NREP: variants seen among roughly 807,000 people sequenced by gnomAD.
NREP encodes the protein neuronal regeneration related protein.
In NREP, 5 loss-of-function variants were observed where a neutral mutation model predicts 8.6. The observed-to-expected ratio is 0.58, with a 90% CI of 0.30 to 1.22. NREP has a LOEUF of 1.22. NREP is among the 50% of genes most tolerant of loss of function. NREP has a pLI of 0.07. For missense variants in NREP, 86 were observed against 82.5 expected (o/e 1.04, Z -0.17); for synonymous variants, 27 against 28.0 (o/e 0.96, Z 0.11).
intron 2 of NREP, among the ~76,000 whole-genome samples, chr5:111,878,556 G>C (rs1178492997): frequency 1.3e-5 from 2 of 152,210 alleles, no homozygotes; most frequent in South Asian, 4.1e-4. Flanking sequence ...TTCAAGATGA[G>C]ATTTGGGTGG....
intron 3 of NREP, chr5:111,733,995 C>G (rs150946965): frequency 1.1e-3 from 161 of 152,286 alleles, no homozygotes; most frequent in African/African-American, 3.8e-3. Flanking sequence ...ATATTATTCA[C>G]ATATTTAGAG....
intron 2 of NREP, among the ~76,000 whole-genome samples, chr5:111,776,518 G>T (rs1309566765): frequency 1.3e-5 from 2 of 152,138 alleles, no homozygotes; most frequent in Admixed American, 1.3e-4. Flanking sequence ...GCGCAAGTCT[G>T]TTCATTGCAG....
chr5:111,835,719 G>A (rs939197721), intron 2 of NREP, among the ~76,000 whole-genome samples: 3 of 152,084 alleles, frequency 2.0e-5, no homozygotes, highest in Non-Finnish European at 2.9e-5. Context: ...TAAGTGGTTT[G>A]TGGGTTTAAG....
intron 2 of NREP, among the ~76,000 whole-genome samples, chr5:111,927,444 G>C (rs1429844271): frequency 2.6e-5 from 4 of 152,066 alleles, no homozygotes; most frequent in African/African-American, 9.7e-5. Flanking sequence ...TCTGAGATAA[G>C]CGCTCTGTGG....
At chr5:111,769,070 A>T (rs543092473) in intron 2 of NREP, among the ~76,000 whole-genome samples, 17 of 152,208 alleles carry the variant, frequency 1.1e-4, no homozygotes, top group African/African-American at 4.1e-4. Context: ...CTGGTGTGAG[A>T]TGACATCTCA....
chr5:111,836,427 C>T (rs1167531278), intron 2 of NREP, among the ~76,000 whole-genome samples: 1 of 151,902 alleles, frequency 6.6e-6, no homozygotes, highest in African/African-American at 2.4e-5. Flanking sequence ...AGAGATAGGA[C>T]CTAAGTCAGG....
At chr5:111,807,611 G>A (rs1408535651) in intron 2 of NREP, among the ~76,000 whole-genome samples, 1 of 152,166 alleles carries the variant, frequency 6.6e-6, no homozygotes, top group South Asian at 2.1e-4. Context: ...ATAGGATTGA[G>A]ATACTAGAGT....
intron 2 of NREP, among the ~76,000 whole-genome samples, chr5:111,779,211 T>C (rs1044402624): frequency 2.0e-5 from 3 of 152,166 alleles, no homozygotes; most frequent in African/African-American, 7.2e-5. Flanking sequence ...TATTGCTGTG[T>C]TGTTGGGCTA....
chr5:111,873,372 A>G (rs1009552347), intron 2 of NREP, among the ~76,000 whole-genome samples: 1 of 152,176 alleles, frequency 6.6e-6, no homozygotes, highest in Non-Finnish European at 1.5e-5. Flanking sequence ...CAGAAGTCCA[A>G]TGTGGGTCTC....
chr5:111,814,916 T>C (rs575225529), intron 2 of NREP, among the ~76,000 whole-genome samples: 30 of 144,992 alleles, frequency 2.1e-4, no homozygotes, highest in Admixed American at 2.0e-3. Flanking sequence ...ACAGAGGATA[T>C]GGAGAATATT....
intron 2 of NREP, among the ~76,000 whole-genome samples, chr5:111,789,964 C>T (rs904412583): frequency 1.3e-5 from 2 of 151,774 alleles, no homozygotes; most frequent in African/African-American, 2.4e-5. Flanking sequence ...GGAGAAAATA[C>T]AAACAAAATT....
chr5:111,872,370 T>G (rs890775700), intron 2 of NREP, among the ~76,000 whole-genome samples: 4 of 152,196 alleles, frequency 2.6e-5, no homozygotes, highest in African/African-American at 9.6e-5. Context: ...GAGGGCAACC[T>G]ACTTTACTCA....
intron 2 of NREP, among the ~76,000 whole-genome samples, chr5:111,858,237 G>A (rs762061762): frequency 4.6e-5 from 7 of 152,076 alleles, no homozygotes; most frequent in South Asian, 2.1e-4. Flanking sequence ...ATGCACACTC[G>A]TTTAAGAAAC....
At chr5:111,940,159 C>G in intron 2 of NREP, 1 of 152,056 alleles carries the variant, frequency 6.6e-6, no homozygotes, top group East Asian at 1.9e-4. Context: ...CAAAACTATT[C>G]CTTCAATTTA....
At chr5:111,789,927 G>C (rs1407826746) in intron 2 of NREP, among the ~76,000 whole-genome samples, 1 of 151,930 alleles carries the variant, frequency 6.6e-6, no homozygotes, top group African/African-American at 2.4e-5. Context: ...TTGTAGATTT[G>C]ACATGAATAA....
intron 2 of NREP, among the ~76,000 whole-genome samples, chr5:111,792,603 G>A (rs180696170): frequency 3.5e-4 from 54 of 152,206 alleles, no homozygotes; most frequent in Admixed American, 7.2e-4. Flanking sequence ...TTCTCAAGAC[G>A]CTTTGCTTTT....
chr5:111,958,644 CAT>C (rs1183443231), intron 2 of NREP, among the ~76,000 whole-genome samples: 1 of 151,650 alleles, frequency 6.6e-6, no homozygotes, highest in Non-Finnish European at 1.5e-5. Context: ...CTATTGAAGA[CAT>C]AAAGAAGAAT....
At chr5:111,782,702 G>A (rs1751520576) in intron 2 of NREP, among the ~76,000 whole-genome samples, 1 of 151,660 alleles carries the variant, frequency 6.6e-6, no homozygotes, top group African/African-American at 2.4e-5. Context: ...TCAAGTAAGT[G>A]GGTATAGAAC....
intron 2 of NREP, among the ~76,000 whole-genome samples, chr5:111,974,893 G>T (rs543359510): frequency 6.6e-6 from 1 of 152,330 alleles, no homozygotes; most frequent in African/African-American, 2.4e-5. Flanking sequence ...CAGTACTCAA[G>T]GAGTTTGGAG....
Sources: gnomAD v4.1 joint callset for allele counts (sites outside exome capture counted in the v4.1 genomes callset) on GRCh38, gnomAD v4.1.1 for gene constraint, MANE v1.5 for transcripts, NCBI Gene and HGNC (gene_info 2026-07-23, HGNC 2026-07-21) for gene names.